The following DLG1 variants were observed in gnomAD, a reference collection of about 807,000 sequenced individuals.
DLG1 encodes the protein discs large MAGUK scaffold protein 1, also known as disks large homolog 1.
In DLG1, 42 loss-of-function variants were observed where a neutral mutation model predicts 123.4. The observed-to-expected ratio is 0.34, with a 90% CI of 0.27 to 0.44. The LOEUF (loss-of-function observed/expected upper bound fraction) is 0.44, where lower values mean the gene tolerates loss of function less well. DLG1 is among the 20% of genes least tolerant of loss of function. The probability of loss-of-function intolerance (pLI) is 1.00; values close to 1 mark genes in which losing one functional copy is unlikely to be tolerated. For synonymous variants in DLG1, 317 were observed against 356.2 expected, an observed-to-expected ratio of 0.89 and a Z score of 1.24; for missense variants, 942 against 1,082.6, an observed-to-expected ratio of 0.87 and a Z score of 1.82.
intron 13 of DLG1, among the ~76,000 whole-genome samples, chr3:197,108,555 G>C (rs920727926): frequency 1.3e-5 from 2 of 151,272 alleles, no homozygotes; most frequent in African/African-American, 2.4e-5. Flanking sequence ...TTGGTAATTA[G>C]AGTATATAAC....
At chr3:197,255,404 A>T (rs561311816) in intron 4 of DLG1, among the ~76,000 whole-genome samples, 186 of 152,338 alleles carry the variant, frequency 1.2e-3, no homozygotes, top group African/African-American at 4.3e-3. Flanking sequence ...GGACTAGGTG[A>T]ACTTATAAAG....
At chr3:197,105,175 T>C (rs1293984379) in intron 13 of DLG1, among the ~76,000 whole-genome samples, 170 bp from the exon 14 acceptor site, 1 of 152,208 alleles carries the variant, frequency 6.6e-6, no homozygotes, top group African/African-American at 2.4e-5. Flanking sequence ...TAAAACAAAA[T>C]ATTATCATTC....
intron 4 of DLG1, among the ~76,000 whole-genome samples, chr3:197,272,135 GTTT>G (rs1295662861): frequency 6.6e-6 from 1 of 152,154 alleles, no homozygotes; most frequent in Non-Finnish European, 1.5e-5. Context: ...GCAAAGCTGA[GTTT>G]TTTTCCAAGG....
chr3:197,268,850 T>C (rs990308998), intron 4 of DLG1, among the ~76,000 whole-genome samples: 8 of 151,880 alleles, frequency 5.3e-5, no homozygotes, highest in Admixed American at 4.6e-4. Context: ...TTTTAATTTT[T>C]TTTTTTACTG....
At chr3:197,088,491 CTT>C (rs1755744910) in intron 15 of DLG1, among the ~76,000 whole-genome samples, 1 of 152,156 alleles carries the variant, frequency 6.6e-6, no homozygotes, top group African/African-American at 2.4e-5. Flanking sequence ...TCCCACACAC[CTT>C]TTCGCAGGAA....
At chr3:197,097,746 A>G (rs767742152) in intron 14 of DLG1, among the ~76,000 whole-genome samples, 15 of 151,508 alleles carry the variant, frequency 9.9e-5, no homozygotes, top group Non-Finnish European at 1.5e-4. Flanking sequence ...ACGCCCAGCT[A>G]ATTTTTGTAT....
chr3:197,266,075 A>C (rs997284037), intron 4 of DLG1, among the ~76,000 whole-genome samples: 7 of 152,140 alleles, frequency 4.6e-5, no homozygotes, highest in Admixed American at 3.3e-4. Context: ...AGCAGTCTGA[A>C]TGGCATCAAA....
intron 1 of DLG1, 146 bp downstream of exon 1, chr3:197,298,390 G>T: frequency 2.5e-6 from 1 of 398,166 alleles, no homozygotes; most frequent in South Asian, 1.3e-4. Flanking sequence ...AGGTGGCCCG[G>T]GGTGGCCCTG....
Position 197,119,396 on chromosome 3 carries a change from G to A in DLG1, c.1286+14C>T, listed in dbSNP as rs1775060109. On this transcript the variant is annotated intron_variant, in intron 12 of 24. Transcript: ENST00000667157. Reference sequence around the variant, plus strand: ...TTGATTTTATGTAAGAAGGATAAATGTTAACTTCCTTACCTTGTAATTTCA... The same window carrying A: ...TTGATTTTATGTAAGAAGGATAAATATTAACTTCCTTACCTTGTAATTTCA... 2 of 1,579,380 alleles carry A rather than the reference G, an allele frequency of 1.3e-6. No homozygotes were observed. Among genetic ancestry groups the A allele is most frequent in the African/African-American group, 2.7e-5 (2 of 73,808 alleles).
intron 5 of DLG1, among the ~76,000 whole-genome samples, chr3:197,191,716 G>C (rs1183262972): frequency 6.6e-6 from 1 of 152,190 alleles, no homozygotes; most frequent in Admixed American, 6.5e-5. Flanking sequence ...TACCCGTGCT[G>C]AGGTTCTTAT....
intron 4 of DLG1, among the ~76,000 whole-genome samples, chr3:197,278,285 A>C (rs1767506810): frequency 9.5e-6 from 1 of 105,726 alleles, no homozygotes; most frequent in African/African-American, 4.3e-5. Context: ...TCTGTCCCAA[A>C]AAAAAAAAAA....
chr3:197,134,242 A>AAAAAAGTCTCCT (rs1784027018), intron 10 of DLG1, among the ~76,000 whole-genome samples: 2 of 152,146 alleles, frequency 1.3e-5, no homozygotes, highest in Admixed American at 1.3e-4. Context: ...TCATTAACTA[A>AAAAAAGTCTCCT]AAAAAGTCTC....
At chr3:197,117,802 T>C (rs745306139) in intron 12 of DLG1, among the ~76,000 whole-genome samples, 31 of 152,174 alleles carry the variant, frequency 2.0e-4, no homozygotes, top group Non-Finnish European at 3.4e-4. Context: ...CACTTAAAAA[T>C]AGTTAAAATG....
chr3:197,141,316 T>C (rs1238880730), intron 7 of DLG1, among the ~76,000 whole-genome samples: 1 of 152,160 alleles, frequency 6.6e-6, no homozygotes, highest in African/African-American at 2.4e-5. Context: ...AAAAATACAA[T>C]GTATAGTCCT....
chr3:197,068,479 G>C (rs1741291389), intron 19 of DLG1: 1 of 1,512,170 alleles, frequency 6.6e-7, no homozygotes, highest in Non-Finnish European at 9.0e-7. Flanking sequence ...AAAGTATTAG[G>C]GACTGATATT....
At chr3:197,119,908 CT>C (rs11328320) in intron 11 of DLG1, among the ~76,000 whole-genome samples, 40,294 of 152,104 alleles carry the variant, frequency 0.26, 5,787 homozygotes, top group Middle Eastern at 0.36. Flanking sequence ...TACATCTATG[CT>C]TTTAAATTCA....
intron 13 of DLG1, among the ~76,000 whole-genome samples, chr3:197,113,067 G>T (rs936764034): frequency 2.0e-5 from 3 of 152,114 alleles, no homozygotes; most frequent in African/African-American, 7.2e-5. Context: ...TAAATTTTAT[G>T]TCTGGAGTAA....
chr3:197,092,074 A>G (rs1009718266), intron 14 of DLG1, among the ~76,000 whole-genome samples: 2 of 152,240 alleles, frequency 1.3e-5, no homozygotes, highest in Non-Finnish European at 2.9e-5. Flanking sequence ...ACTTAAAATA[A>G]AAACATAAAT....
At chr3:197,102,687 C>A (rs1276570847) in intron 14 of DLG1, among the ~76,000 whole-genome samples, 1 of 152,102 alleles carries the variant, frequency 6.6e-6, no homozygotes, top group African/African-American at 2.4e-5. Flanking sequence ...CCAGTCTGGC[C>A]AACATGGTGA....
Sources: allele counts gnomAD v4.1 joint callset (sites outside exome capture counted in the v4.1 genomes callset), GRCh38; gene constraint gnomAD v4.1.1; transcripts MANE v1.5; gene names NCBI Gene and HGNC (gene_info 2026-07-23, HGNC 2026-07-21).